CNTNAP4: variants seen among roughly 807,000 people sequenced by gnomAD.
CNTNAP4 encodes the protein contactin associated protein family member 4.
A neutral mutation model predicts 148.4 loss-of-function variants in CNTNAP4; 98 were observed. The ratio of observed to expected loss-of-function variants is 0.66; its 90% confidence interval spans 0.56 to 0.78. The LOEUF is 0.78. CNTNAP4 is among the 30% of genes least tolerant of loss of function. CNTNAP4 has a pLI of 0.00. For missense variants in CNTNAP4, 1,935 were observed against 1,565.6 expected (o/e 1.24, Z -3.98); for synonymous variants, 730 against 565.1 (o/e 1.29, Z -4.14).
intron 4 of CNTNAP4, among the ~76,000 whole-genome samples, chr16:76,438,628 A>G (rs1019561217): frequency 3.3e-5 from 5 of 151,864 alleles, no homozygotes; most frequent in African/African-American, 1.2e-4. Context: ...CCAGTAATTC[A>G]CCTCCCTGTG....
chr16:76,495,325 A>T (rs191693921), intron 14 of CNTNAP4: 4 of 226,160 alleles, frequency 1.8e-5, no homozygotes, highest in Non-Finnish European at 3.4e-5. Flanking sequence ...TTATATGGGG[A>T]ATTAATTATT....
rs183202238 is a variant in CNTNAP4, at chr16:76,402,400, G to A, written c.391-25052G>A. Among the ~76,000 whole-genome samples the A allele has an allele frequency of 2.9e-3, 433 of 151,552 alleles. 2 individuals are homozygous for A. Among genetic ancestry groups the A allele is most frequent in the Non-Finnish European group, 3.4e-3 (232 of 67,884 alleles). ...TGAGGTCAGTGGAAGTATCTCCTTT[G>A]TCACTTCTAATTGTGTTTATTTGGA... On this transcript the variant is annotated intron_variant, in intron 3 of 23. Transcript: ENST00000611870.
At chr16:76,342,847 T>G (rs759387549) in intron 2 of CNTNAP4, among the ~76,000 whole-genome samples, 9 of 152,198 alleles carry the variant, frequency 5.9e-5, no homozygotes, top group Admixed American at 2.6e-4. Context: ...AAAACAGATA[T>G]AATAAAAGCA....
intron 3 of CNTNAP4, among the ~76,000 whole-genome samples, chr16:76,403,901 C>T (rs1468430069): frequency 6.6e-6 from 1 of 152,100 alleles, no homozygotes; most frequent in Non-Finnish European, 1.5e-5. Context: ...TTTATGGGAA[C>T]ATGGATGGAG....
intron 3 of CNTNAP4, among the ~76,000 whole-genome samples, chr16:76,413,007 T>G (rs568101929): frequency 6.6e-6 from 1 of 151,576 alleles, no homozygotes; most frequent in South Asian, 2.1e-4. Context: ...TTTAATTTTT[T>G]ATGGGTATGT....
At chr16:76,370,849 T>C (rs2014729840) in intron 3 of CNTNAP4, among the ~76,000 whole-genome samples, 1 of 152,202 alleles carries the variant, frequency 6.6e-6, no homozygotes, top group African/African-American at 2.4e-5. Context: ...ATTTTGATAC[T>C]GAGGAAATTG....
intron 15 of CNTNAP4, among the ~76,000 whole-genome samples, chr16:76,516,512 A>G (rs2083260597): frequency 6.6e-6 from 1 of 152,214 alleles, no homozygotes; most frequent in South Asian, 2.1e-4. Flanking sequence ...ACTGTCTTCC[A>G]CAATGGTTTG....
chr16:76,461,319 G>A (rs952894389), intron 8 of CNTNAP4, among the ~76,000 whole-genome samples: 5 of 152,134 alleles, frequency 3.3e-5, no homozygotes, highest in Non-Finnish European at 4.4e-5. Flanking sequence ...GGTCTTTACT[G>A]CTCTGTACAT....
chr16:76,399,942 G>T (rs943293364), intron 3 of CNTNAP4, among the ~76,000 whole-genome samples: 2 of 152,076 alleles, frequency 1.3e-5, no homozygotes, highest in Non-Finnish European at 1.5e-5. Flanking sequence ...ATATTTTAGT[G>T]CTCTGGACTA....
chr16:76,293,932 T>C (rs1041228734), intron 1 of CNTNAP4, among the ~76,000 whole-genome samples: 3 of 152,106 alleles, frequency 2.0e-5, no homozygotes, highest in Admixed American at 1.3e-4. Flanking sequence ...CTTTATGTTC[T>C]ACAGTCATTT....
At chr16:76,308,436 CT>C (rs1205110092) in intron 1 of CNTNAP4, among the ~76,000 whole-genome samples, 1 of 152,132 alleles carries the variant, frequency 6.6e-6, no homozygotes, top group African/African-American at 2.4e-5. Context: ...AACTTATTCT[CT>C]TTCTCATCAG....
chr16:76,364,676 G>A (rs527958355), intron 3 of CNTNAP4, among the ~76,000 whole-genome samples: 1 of 152,076 alleles, frequency 6.6e-6, no homozygotes, highest in Non-Finnish European at 1.5e-5. Flanking sequence ...CTGTTCCTTT[G>A]AAGTGTTTCT....
chr16:76,440,878 C>G (rs2080012148), intron 4 of CNTNAP4, among the ~76,000 whole-genome samples: 1 of 152,056 alleles, frequency 6.6e-6, no homozygotes, highest in Non-Finnish European at 1.5e-5. Flanking sequence ...GTGACAACCC[C>G]TCAAAATTTG....
intron 3 of CNTNAP4, among the ~76,000 whole-genome samples, chr16:76,372,481 C>T (rs753837349): frequency 3.3e-5 from 5 of 151,926 alleles, no homozygotes; most frequent in Admixed American, 1.3e-4. Context: ...AGTTGTAGCT[C>T]GCATGATTTC....
rs867989828 is a variant in CNTNAP4, at chr16:76,549,015, C to T, written c.3443-4268C>T. ...TTGTAGTTTCCCTCCACTTCCGATT[C>T]GAATTCTACCCCACCGACGCTTCTG... is the stretch of plus-strand genomic sequence containing the variant. On this transcript the variant is annotated intron_variant, in intron 21 of 23. Coordinates refer to ENST00000611870, the MANE Select transcript of CNTNAP4 (RefSeq NM_033401.5). Among the ~76,000 whole-genome samples the T allele has an allele frequency of 2.6e-5, 4 of 152,042 alleles. No homozygotes were observed. The South Asian group carries it at 6.2e-4, about 24-fold the overall frequency.
At chr16:76,355,891 T>TATTTA (rs2012557927) in intron 3 of CNTNAP4, among the ~76,000 whole-genome samples, 2 of 143,998 alleles carry the variant, frequency 1.4e-5, no homozygotes, top group African/African-American at 5.6e-5. Flanking sequence ...TTTATTTATT[T>TATTTA]TTGAAACAGA....
intron 2 of CNTNAP4, among the ~76,000 whole-genome samples, chr16:76,341,516 T>C (rs192246669): frequency 6.6e-6 from 1 of 152,148 alleles, no homozygotes; most frequent in Admixed American, 6.5e-5. Context: ...TGAAAGGGAG[T>C]AATTAGAAAT....
At position 76,559,804 on chromosome 16, in the gene CNTNAP4, A is replaced by G. The variant is rs932504377; in HGVS notation, c.*1121A>G. Among the ~76,000 whole-genome samples, 2 of 152,146 alleles carry G rather than the reference A, an allele frequency of 1.3e-5. No homozygotes were observed. The highest frequency in any genetic ancestry group is 2.9e-5 in the Non-Finnish European group (2 of 68,010). ...CCTTTAGGTGTACATTTTGCTGTGC[A>G]TAGACTTCCAGTACATACTTTTTGA... On this transcript the variant is annotated 3_prime_UTR_variant, in exon 24 of 24. Transcript: ENST00000611870.
intron 1 of CNTNAP4, 98 bp downstream of exon 1, chr16:76,277,845 G>T (rs192019139): frequency 2.5e-6 from 2 of 792,444 alleles, no homozygotes; most frequent in Non-Finnish European, 4.2e-6. Flanking sequence ...TGGGATTGCT[G>T]CAAAGCGTAT....
Sources: allele counts gnomAD v4.1 joint callset (sites outside exome capture counted in the v4.1 genomes callset), GRCh38; gene constraint gnomAD v4.1.1; transcripts MANE v1.5; gene names NCBI Gene and HGNC (gene_info 2026-07-23, HGNC 2026-07-21).